Variants in ATP10B observed in about 807,000 individuals in gnomAD.
ATP10B encodes phospholipid-transporting ATPase VB.
Under a neutral mutation model 141.2 loss-of-function variants are expected in ATP10B, and 122 were observed. That is an observed-to-expected ratio of 0.86 (90% CI 0.75 to 1.00). ATP10B has a LOEUF of 1.00. Among genes scored for constraint, ATP10B ranks in the 50% least tolerant of loss-of-function variants. The probability of loss-of-function intolerance (pLI) is 0.00; values close to 1 mark genes in which losing one functional copy is unlikely to be tolerated. For missense variants in ATP10B, 1,876 were observed against 1,825.3 expected (o/e 1.03, Z -0.51); for synonymous variants, 685 against 692.0 (o/e 0.99, Z 0.16).
chr5:160,722,008 A>G (rs1766030966), intron 2 of ATP10B, among the ~76,000 whole-genome samples: 1 of 152,208 alleles, frequency 6.6e-6, no homozygotes, highest in Non-Finnish European at 1.5e-5. Context: ...TGGGGATAAT[A>G]ATAATATATA....
intron 1 of ATP10B, among the ~76,000 whole-genome samples, chr5:160,808,114 C>G (rs1202065705): frequency 6.6e-6 from 1 of 152,042 alleles, no homozygotes; most frequent in Non-Finnish European, 1.5e-5. Flanking sequence ...GATCTTTATT[C>G]CATTAAAAAA....
intron 7 of ATP10B, among the ~76,000 whole-genome samples, chr5:160,653,075 T>A (rs1193325044): frequency 1.7e-5 from 2 of 119,590 alleles, no homozygotes; most frequent in African/African-American, 6.2e-5. Context: ...TATGTATATA[T>A]AGTGTATATA....
intron 6 of ATP10B, among the ~76,000 whole-genome samples, chr5:160,676,252 T>C (rs1407042132): frequency 6.6e-6 from 1 of 152,144 alleles, no homozygotes; most frequent in Non-Finnish European, 1.5e-5. Flanking sequence ...GTGATGGCCA[T>C]GGAAACACAG....
intron 1 of ATP10B, among the ~76,000 whole-genome samples, chr5:160,830,913 A>G (rs1013121523): frequency 4.7e-5 from 7 of 150,466 alleles, no homozygotes; most frequent in African/African-American, 1.5e-4. Flanking sequence ...CATTCTCTCT[A>G]TCCCTGTTTC....
intron 3 of ATP10B, among the ~76,000 whole-genome samples, chr5:160,694,074 T>C (rs1764231774): frequency 6.6e-6 from 1 of 152,096 alleles, no homozygotes; most frequent in African/African-American, 2.4e-5. Flanking sequence ...AAATGACACA[T>C]TGTGAGTGCG....
chr5:160,768,524 A>T (rs1228374255), intron 2 of ATP10B, among the ~76,000 whole-genome samples: 1 of 152,166 alleles, frequency 6.6e-6, no homozygotes, highest in Admixed American at 6.5e-5. Flanking sequence ...TATCCTCTCA[A>T]ATTTTAATCA....
chr5:160,604,871 A>T (rs1285482115), intron 19 of ATP10B, among the ~76,000 whole-genome samples: 1 of 152,222 alleles, frequency 6.6e-6, no homozygotes, highest in East Asian at 1.9e-4. Context: ...ATTTAAATTT[A>T]AGTAGCCACA....
intron 16 of ATP10B, 88 bp from the exon 17 acceptor site, chr5:160,616,052 G>T: frequency 1.4e-6 from 2 of 1,459,416 alleles, no homozygotes; most frequent in South Asian, 1.4e-5. Flanking sequence ...GTCTCCTATT[G>T]GCCTGTTTGA....
the ATP10B span, among the ~76,000 whole-genome samples, chr5:160,868,067 G>A: frequency 6.6e-6 from 1 of 152,066 alleles, no homozygotes; most frequent in African/African-American, 2.4e-5. Context: ...GCGTCACAAG[G>A]CAAGGGGAGC....
At chr5:160,616,546 A>G (rs1435490864) in intron 16 of ATP10B, among the ~76,000 whole-genome samples, 1 of 152,036 alleles carries the variant, frequency 6.6e-6, no homozygotes, top group Non-Finnish European at 1.5e-5. Flanking sequence ...CCTGTAGAGC[A>G]CTCCACCAGG....
chr5:160,623,439 G>T (rs542997607), intron 13 of ATP10B, among the ~76,000 whole-genome samples: 2 of 152,272 alleles, frequency 1.3e-5, no homozygotes, highest in South Asian at 2.1e-4. Flanking sequence ...GGTAGCTACT[G>T]CTCTGCTGAG....
intron 1 of ATP10B, among the ~76,000 whole-genome samples, chr5:160,845,177 G>A (rs1003235185): frequency 1.3e-5 from 2 of 152,164 alleles, no homozygotes; most frequent in Non-Finnish European, 2.9e-5. Flanking sequence ...TCTGAAAGTT[G>A]TCAATTATCA....
intron 2 of ATP10B, among the ~76,000 whole-genome samples, chr5:160,719,777 T>A (rs1765886010): frequency 1.3e-5 from 2 of 152,206 alleles, no homozygotes; most frequent in African/African-American, 4.8e-5. Flanking sequence ...ATACTTACCA[T>A]CACTTTGCAA....
chr5:160,899,143 TAA>T, the ATP10B span, among the ~76,000 whole-genome samples: 1 of 152,076 alleles, frequency 6.6e-6, no homozygotes, highest in East Asian at 1.9e-4. Flanking sequence ...TAAGGTATAA[TAA>T]AAAGAGACAA....
At chr5:160,627,019 C>G (rs1561666435) in intron 13 of ATP10B, among the ~76,000 whole-genome samples, 1 of 152,186 alleles carries the variant, frequency 6.6e-6, no homozygotes, top group Non-Finnish European at 1.5e-5. Context: ...TCCTCCTCCT[C>G]CTCAGATTGC....
intron 8 of ATP10B, among the ~76,000 whole-genome samples, 179 bp downstream of exon 8, chr5:160,648,992 C>CAAA (rs369416034): frequency 2.2e-3 from 260 of 120,420 alleles, no homozygotes; most frequent in African/African-American, 7.3e-3. Context: ...TATCACTCAG[C>CAAA]AAAAAAAAAA....
the ATP10B span, among the ~76,000 whole-genome samples, chr5:160,873,130 T>C: frequency 6.6e-6 from 1 of 151,804 alleles, no homozygotes. Flanking sequence ...TTTGTTTTTT[T>C]TTTTTCAGCT....
chr5:160,643,447 T>C (rs1016056005), intron 9 of ATP10B, among the ~76,000 whole-genome samples: 7 of 152,178 alleles, frequency 4.6e-5, no homozygotes, highest in Non-Finnish European at 1.0e-4. Flanking sequence ...AACAGGTGCG[T>C]TGCGTACCTA....
At chr5:160,885,525 A>G in the ATP10B span, among the ~76,000 whole-genome samples, 1 of 152,210 alleles carries the variant, frequency 6.6e-6, no homozygotes, top group Non-Finnish European at 1.5e-5. Context: ...TTCCTAACTT[A>G]CAGAAATCAT....
Sources: allele counts gnomAD v4.1 joint callset (sites outside exome capture counted in the v4.1 genomes callset), GRCh38; gene constraint gnomAD v4.1.1; transcripts MANE v1.5; gene names NCBI Gene and HGNC (gene_info 2026-07-23, HGNC 2026-07-21).